The following MAP2 variants were observed in gnomAD, a reference collection of about 807,000 sequenced individuals.
The protein encoded by MAP2 is microtubule associated protein 2.
In MAP2, 14 loss-of-function variants were observed where a neutral mutation model predicts 137.6. The ratio of observed to expected loss-of-function variants is 0.10; its 90% CI spans 0.07 to 0.16. The LOEUF (loss-of-function observed/expected upper bound fraction) is 0.16, where lower values mean the gene tolerates loss of function less well. Ranked by LOEUF, MAP2 falls within the 10% of genes least tolerant of loss-of-function variation. The pLI is 1.00. For synonymous variants in MAP2, 786 were observed against 782.3 expected (o/e 1.00, Z -0.08); for missense variants, 2,088 against 2,191.5 (o/e 0.95, Z 0.94).
At chr2:209,715,045 T>C (rs567986167) in intron 13 of MAP2, among the ~76,000 whole-genome samples, 1 of 152,260 alleles carries the variant, frequency 6.6e-6, no homozygotes, top group South Asian at 2.1e-4. Context: ...TTTCATGAAA[T>C]AATTTAATGC....
intron 1 of MAP2, among the ~76,000 whole-genome samples, chr2:209,500,857 A>G (rs1412734481): frequency 6.6e-6 from 1 of 152,012 alleles, no homozygotes; most frequent in East Asian, 1.9e-4. Flanking sequence ...CAACATAGGG[A>G]AACTCTGTCT....
intron 11 of MAP2, among the ~76,000 whole-genome samples, chr2:209,704,190 C>T (rs2062653088): frequency 6.6e-6 from 1 of 152,012 alleles, no homozygotes; most frequent in Non-Finnish European, 1.5e-5. Context: ...GTTTAGCTCC[C>T]ACTTATAAAT....
At chr2:209,527,599 T>A (rs1445378399) in intron 2 of MAP2, among the ~76,000 whole-genome samples, 2 of 152,168 alleles carry the variant, frequency 1.3e-5, no homozygotes, top group Non-Finnish European at 2.9e-5. Flanking sequence ...CTCTTATGGA[T>A]CTTTCTCAGG....
At chr2:209,724,809 G>A (rs903912644) in intron 13 of MAP2, among the ~76,000 whole-genome samples, 1 of 152,164 alleles carries the variant, frequency 6.6e-6, no homozygotes, top group Non-Finnish European at 1.5e-5. Flanking sequence ...ACACCATGTG[G>A]TACTCTCATA....
chr2:209,516,518 TAAAC>T (rs1281067722), intron 2 of MAP2, among the ~76,000 whole-genome samples: 7 of 151,976 alleles, frequency 4.6e-5, no homozygotes, highest in African/African-American at 1.7e-4. Context: ...GAGAATCAGT[TAAAC>T]AACAGGAATA....
rs1159370286 is a variant in MAP2 at position 209,730,681 on chromosome 2, T to A, written c.*284T>A. 2.9e-6 allele frequency: 1 copy of A among 342,198 alleles called. No homozygotes were observed. Among genetic ancestry groups the A allele is most frequent in the African/African-American group, 2.1e-5 (1 of 47,124 alleles). The allele number at this position is 342,198 out of a possible 1,614,324, so 21.2% of individuals were successfully genotyped here. ...CATGGAGTATTATTATTTTAAAAAT[T>A]GCATTTTTACCTTTCATGTGCCTGA... On this transcript the variant is annotated 3_prime_UTR_variant, in exon 16 of 16. Coordinates refer to ENST00000682079, the MANE Select transcript of MAP2 (RefSeq NM_001375505.1).
chr2:209,458,495 G>T (rs1009557056), intron 1 of MAP2, among the ~76,000 whole-genome samples: 1 of 152,176 alleles, frequency 6.6e-6, no homozygotes, highest in African/African-American at 2.4e-5. Context: ...TATGGTCCAT[G>T]CAAAGTAATT....
intron 1 of MAP2, among the ~76,000 whole-genome samples, chr2:209,442,777 C>T (rs1324879462): frequency 6.6e-6 from 1 of 151,600 alleles, no homozygotes; most frequent in Non-Finnish European, 1.5e-5. Flanking sequence ...TTTCAATATC[C>T]ACCCTTACAT....
intron 1 of MAP2, among the ~76,000 whole-genome samples, chr2:209,496,893 C>T (rs568443444): frequency 6.6e-6 from 1 of 152,218 alleles, no homozygotes; most frequent in South Asian, 2.1e-4. Context: ...ATGCCTCTGG[C>T]TTCAGCCTCC....
chr2:209,582,922 T>C lies in MAP2; in HGVS notation c.-107+2822T>C, dbSNP rs537796935. On this transcript the variant is annotated intron_variant, in intron 3 of 15. Transcript: ENST00000682079. ...ATAAGTGTGGTCTCCATTTTACAGA[T>C]AAATGAATTGAGACTACAGTTGGGC... 9.2e-5 allele frequency among the ~76,000 whole-genome samples: 14 copies of C among 152,232 alleles called. No homozygotes were observed. The East Asian group carries it at 2.5e-3, about 27-fold the overall frequency.
chr2:209,682,948 AG>A (rs2055336475), intron 7 of MAP2, among the ~76,000 whole-genome samples: 1 of 152,162 alleles, frequency 6.6e-6, no homozygotes, highest in African/African-American at 2.4e-5. Flanking sequence ...CAAGCATCAG[AG>A]AATCCTCTTA....
intron 15 of MAP2, 47 bp downstream of exon 15, chr2:209,730,009 C>A (rs749220455): frequency 2.9e-6 from 4 of 1,387,838 alleles, no homozygotes; most frequent in Admixed American, 1.8e-5. Flanking sequence ...AAAAAAAATT[C>A]TTCTGAAATA....
intron 3 of MAP2, among the ~76,000 whole-genome samples, chr2:209,593,837 TA>T (rs1270296267): frequency 3.7e-4 from 38 of 103,798 alleles, no homozygotes; most frequent in Non-Finnish European, 3.6e-4. Context: ...ATTTATATTA[TA>T]TTATAATATA....
chr2:209,693,187 C>G lies in MAP2; in HGVS notation c.1017C>G (p.Pro339=), dbSNP rs1192570469. The G allele has an allele frequency of 3.7e-6, 6 of 1,612,324 alleles. No individual in the cohort carries two copies. The highest frequency in any genetic ancestry group is 3.4e-5 in the Admixed American group (2 of 59,680). Residue 339 remains proline, a synonymous_variant, in exon 8 of 16, where the codon CCC becomes CCG. Coordinates refer to ENST00000682079, the MANE Select transcript of MAP2 (RefSeq NM_001375505.1). ...ATGAAATAGTTACAGAAACATCGCC[C>G]TTTGCCCCTGCCTTTTTACAGCCAG... ...MKNEIVTETS[P]FAPAFLQPDD...
At chr2:209,487,020 C>T (rs2058473218) in intron 1 of MAP2, among the ~76,000 whole-genome samples, 1 of 151,964 alleles carries the variant, frequency 6.6e-6, no homozygotes, top group African/African-American at 2.4e-5. Context: ...GAATTCTGAC[C>T]GTTTTTTGGT....
At chr2:209,582,194 G>A (rs2076578342) in intron 3 of MAP2, among the ~76,000 whole-genome samples, 2 of 151,420 alleles carry the variant, frequency 1.3e-5, no homozygotes, top group South Asian at 2.1e-4. Context: ...TTTTGTTCTT[G>A]CCTTTCTTAA....
chr2:209,499,365 A>G (rs1417886452), intron 1 of MAP2, among the ~76,000 whole-genome samples: 7 of 152,176 alleles, frequency 4.6e-5, no homozygotes, highest in Admixed American at 4.6e-4. Context: ...TGCTGTCCAT[A>G]TCACTATCAG....
intron 1 of MAP2, among the ~76,000 whole-genome samples, chr2:209,479,422 A>G (rs992016410): frequency 1.3e-5 from 2 of 152,014 alleles, no homozygotes; most frequent in Admixed American, 6.5e-5. Context: ...TCATATTACT[A>G]TTTGCTTAAT....
At chr2:209,559,748 C>A (rs193046530) in intron 2 of MAP2, among the ~76,000 whole-genome samples, 2 of 152,146 alleles carry the variant, frequency 1.3e-5, no homozygotes, top group East Asian at 3.9e-4. Context: ...TCCTTCAACA[C>A]TTCTCTGCTT....
Sources: gnomAD v4.1 joint callset for allele counts (sites outside exome capture counted in the v4.1 genomes callset) on GRCh38, gnomAD v4.1.1 for gene constraint, MANE v1.5 for transcripts, NCBI Gene and HGNC (gene_info 2026-07-23, HGNC 2026-07-21) for gene names.